EXD3: variants seen among roughly 807,000 people sequenced by gnomAD.
EXD3 encodes exonuclease mut-7 homolog.
EXD3 carries 92 observed loss-of-function variants against 98.0 expected under a neutral mutation model. That is an observed-to-expected ratio of 0.94 (90% confidence interval 0.79 to 1.12). EXD3 has a LOEUF of 1.12. Among genes scored for constraint, EXD3 ranks in the 50% most tolerant of loss-of-function variants. The probability of loss-of-function intolerance (pLI) is 0.00; values close to 1 mark genes in which losing one functional copy is unlikely to be tolerated. For synonymous variants in EXD3, 569 were observed against 526.0 expected, an observed-to-expected ratio of 1.08 and a Z score of -1.12; for missense variants, 1,222 against 1,191.6, an observed-to-expected ratio of 1.03 and a Z score of -0.38.
chr9:137,334,927 A>G (rs541710897), intron 17 of EXD3, among the ~76,000 whole-genome samples: 3 of 152,064 alleles, frequency 2.0e-5, no homozygotes, highest in Middle Eastern at 6.8e-3. Flanking sequence ...AATACAAAAA[A>G]TGAGCCGGGC....
At chr9:137,352,903 G>A in intron 10 of EXD3, 117 bp from the exon 11 acceptor site, 1 of 1,448,030 alleles carries the variant, frequency 6.9e-7, no homozygotes, top group South Asian at 1.4e-5. Flanking sequence ...ACTCGGGGAG[G>A]AGGGGCAGCC....
At chr9:137,318,070 C>T (rs544304563) in intron 19 of EXD3, among the ~76,000 whole-genome samples, 21 of 152,244 alleles carry the variant, frequency 1.4e-4, no homozygotes, top group African/African-American at 4.3e-4. Flanking sequence ...TCCAGGCCCA[C>T]GGCAGGAATG....
chr9:137,346,752 A>G (rs750236599), intron 17 of EXD3, among the ~76,000 whole-genome samples: 1 of 147,706 alleles, frequency 6.8e-6, no homozygotes, highest in Non-Finnish European at 1.5e-5. Context: ...TTCTAAAACT[A>G]CTTCCGCATG....
In EXD3 at chr9:137,405,975, T is replaced by C. The variant is rs371597645; in HGVS notation, c.-47-10571A>G. ...TGGCTCACGCCTGTAATCCCAGCCT[T>C]GTGGGAGGCCGAGGCGGGAGGATCA... On this transcript the variant is annotated intron_variant, in intron 1 of 21. Transcript: ENST00000340951. The surrounding 1 kb of genome is among the most constrained non-coding windows in gnomAD (Gnocchi z 4.1). 1.3e-5 allele frequency among the ~76,000 whole-genome samples: 2 copies of C among 152,018 alleles called. No homozygotes were observed. Among genetic ancestry groups the C allele is most frequent in the East Asian group, 3.8e-4 (2 of 5,198 alleles).
rs3935056 is a variant in EXD3 at position 137,394,913 on chromosome 9, C to T, written c.55+390G>A. ...TGTGGGTTCCCTGAGCCCCCAGTGGCGGCGCTAAGCCCCCAAGGGTGTTCC... is the reference window on the plus strand; with the variant it reads ...TGTGGGTTCCCTGAGCCCCCAGTGGTGGCGCTAAGCCCCCAAGGGTGTTCC... On this transcript the variant is annotated intron_variant, in intron 2 of 21. Coordinates refer to ENST00000340951, the MANE Select transcript of EXD3 (RefSeq NM_017820.5). 8.3e-4 allele frequency among the ~76,000 whole-genome samples: 127 copies of T among 152,206 alleles called. 1 individual carries two copies. The highest frequency in any genetic ancestry group is 2.5e-3 in the African/African-American group (105 of 41,538).
chr9:137,419,452 T>C (rs1477587860), intron 1 of EXD3, among the ~76,000 whole-genome samples: 2 of 150,216 alleles, frequency 1.3e-5, no homozygotes, highest in African/African-American at 4.9e-5. Flanking sequence ...GGTGGATCAC[T>C]TGAGGTCAGG....
At chr9:137,376,291 C>A (rs1835895265) in intron 3 of EXD3, among the ~76,000 whole-genome samples, 2 of 146,728 alleles carry the variant, frequency 1.4e-5, no homozygotes, top group Non-Finnish European at 3.0e-5. Flanking sequence ...TTGCAGTGAG[C>A]CGAGATTGTG....
chr9:137,382,015 A>AGGAGGTGAGGGCG (rs1836306864), intron 3 of EXD3, among the ~76,000 whole-genome samples: 1 of 59,782 alleles, frequency 1.7e-5, no homozygotes, highest in African/African-American at 7.8e-5. Context: ...GGAGGTGAGG[A>AGGAGGTGAGGGCG]CGCGGGGAGG....
intron 17 of EXD3, among the ~76,000 whole-genome samples, chr9:137,327,464 T>C (rs899640399): frequency 3.3e-5 from 5 of 152,046 alleles, no homozygotes; most frequent in South Asian, 2.1e-4. Context: ...TACCCAGTTC[T>C]GGAAAGGGGT....
chr9:137,389,431 C>T (rs1266689529), intron 2 of EXD3, among the ~76,000 whole-genome samples: 1 of 152,222 alleles, frequency 6.6e-6, no homozygotes, highest in East Asian at 1.9e-4. Context: ...ACTCACTTGC[C>T]TCATCCATGA....
intron 10 of EXD3, chr9:137,354,033 ACT>A (rs1834467105): frequency 8.5e-7 from 1 of 1,182,204 alleles, no homozygotes; most frequent in African/African-American, 1.6e-5. Context: ...CTCTCTGGTG[ACT>A]CTCAGCCCCC....
intron 2 of EXD3, among the ~76,000 whole-genome samples, chr9:137,387,661 C>T (rs536651893): frequency 6.6e-6 from 1 of 152,310 alleles, no homozygotes; most frequent in Admixed American, 6.5e-5. Context: ...CACCCCAACT[C>T]AGGGATACCA....
intron 17 of EXD3, among the ~76,000 whole-genome samples, chr9:137,334,131 A>G (rs972322771): frequency 2.0e-5 from 3 of 152,146 alleles, no homozygotes; most frequent in Non-Finnish European, 2.9e-5. Flanking sequence ...CCTCCCGAGT[A>G]GCTGGGACTA....
chr9:137,379,392 GC>G, intron 3 of EXD3, among the ~76,000 whole-genome samples: 1 of 48,362 alleles, frequency 2.1e-5, no homozygotes, highest in Non-Finnish European at 3.7e-5. Context: ...GGGAATGGGG[GC>G]GTCTGTGTGA....
rs1333989727 is a variant in EXD3 at position 137,406,234 on chromosome 9, GAAAGA to G, written c.-47-10835_-47-10831del. Among the ~76,000 whole-genome samples, 63 of 99,592 alleles carry G rather than the reference GAAAGA, an allele frequency of 6.3e-4. 2 individuals carry two copies. The East Asian group carries it at 7.8e-3, about 12-fold the overall frequency. 65.3% of individuals were successfully genotyped at this position (99,592 alleles called of 152,430 possible). On this transcript the variant is annotated intron_variant, in intron 1 of 21. Coordinates refer to ENST00000340951, the MANE Select transcript of EXD3 (RefSeq NM_017820.5). ...CTGTTTCCAAAAAAGAAAAAGAAAA[GAAAGA>G]AAAGAAAAGAAAAGGAAAGGAAAAG... is the stretch of plus-strand genomic sequence containing the variant.
intron 3 of EXD3, among the ~76,000 whole-genome samples, chr9:137,380,753 G>C (rs1177492595): frequency 7.6e-6 from 1 of 132,350 alleles, no homozygotes; most frequent in Non-Finnish European, 1.6e-5. Context: ...CTCCACTCAC[G>C]GCTTCAGTAG....
At chr9:137,309,570 G>GC (rs1193023852) in intron 20 of EXD3, 37 bp downstream of exon 20, 16 of 1,518,684 alleles carry the variant, frequency 1.1e-5, no homozygotes, top group Non-Finnish European at 1.4e-5. Context: ...CCCATCCCAG[G>GC]CCCCCCAGAC....
At chr9:137,356,674 A>G (rs961155295) in intron 7 of EXD3, among the ~76,000 whole-genome samples, 1 of 152,190 alleles carries the variant, frequency 6.6e-6, no homozygotes, top group Non-Finnish European at 1.5e-5. Context: ...TAACAGTATT[A>G]GAGTTTTAGC....
intron 1 of EXD3, among the ~76,000 whole-genome samples, chr9:137,412,519 G>A (rs1354834804): frequency 1.3e-5 from 2 of 152,114 alleles, no homozygotes; most frequent in Non-Finnish European, 2.9e-5. Flanking sequence ...AAACAGCCCC[G>A]CGGCCACCAC....
Sources: allele counts gnomAD v4.1 joint callset (sites outside exome capture counted in the v4.1 genomes callset), GRCh38; gene constraint gnomAD v4.1.1; non-coding constraint Gnocchi (gnomAD v3.1); transcripts MANE v1.5; gene names NCBI Gene and HGNC (gene_info 2026-07-23, HGNC 2026-07-21).